The following DSCAM variants were observed in gnomAD, a reference collection of about 807,000 sequenced individuals.
DSCAM encodes the protein cell adhesion molecule DSCAM.
DSCAM carries 47 observed loss-of-function variants against 217.7 expected under a neutral mutation model. That is an observed-to-expected ratio of 0.22 (90% CI 0.17 to 0.28). The LOEUF is 0.28. Ranked by LOEUF, DSCAM falls within the 10% of genes least tolerant of loss-of-function variation. The pLI is 1.00. For missense variants in DSCAM, 2,080 were observed against 2,618.3 expected (o/e 0.79, Z 4.49); for synonymous variants, 1,056 against 1,015.3 (o/e 1.04, Z -0.76).
At chr21:40,598,483 G>GA (rs1316560992) in intron 3 of DSCAM, among the ~76,000 whole-genome samples, 4 of 139,868 alleles carry the variant, frequency 2.9e-5, no homozygotes, top group Non-Finnish European at 6.2e-5. Flanking sequence ...TAGTTTGTAA[G>GA]AAACTGCCAA....
At chr21:40,420,820 C>T (rs1165866510) in intron 3 of DSCAM, among the ~76,000 whole-genome samples, 1 of 152,116 alleles carries the variant, frequency 6.6e-6, no homozygotes, top group Admixed American at 6.5e-5. Context: ...CAGCAAACGA[C>T]CAGAAGCTAC....
intron 3 of DSCAM, among the ~76,000 whole-genome samples, chr21:40,621,627 T>C (rs917667304): frequency 6.6e-6 from 1 of 151,878 alleles, no homozygotes; most frequent in African/African-American, 2.4e-5. Context: ...CAAAGTCATA[T>C]AGTGCTTTCA....
At chr21:40,719,422 C>A (rs2090878002) in intron 1 of DSCAM, among the ~76,000 whole-genome samples, 1 of 152,108 alleles carries the variant, frequency 6.6e-6, no homozygotes, top group African/African-American at 2.4e-5. Context: ...CACATGTGTA[C>A]ACTGTGACTC....
chr21:40,606,906 T>C (rs1382981926), intron 3 of DSCAM, among the ~76,000 whole-genome samples: 1 of 152,194 alleles, frequency 6.6e-6, no homozygotes, highest in African/African-American at 2.4e-5. Context: ...CTTATGGTTT[T>C]ATAAAGGGCG....
intron 3 of DSCAM, among the ~76,000 whole-genome samples, chr21:40,474,323 A>AC (rs1196168902): frequency 6.6e-6 from 1 of 151,710 alleles, no homozygotes; most frequent in South Asian, 2.1e-4. Flanking sequence ...ATTAAAAAAA[A>AC]ACACAACCAA....
At chr21:40,126,513 A>G (rs2090095703) in intron 19 of DSCAM, among the ~76,000 whole-genome samples, 1 of 152,226 alleles carries the variant, frequency 6.6e-6, no homozygotes, top group Non-Finnish European at 1.5e-5. Flanking sequence ...GATGCTACAC[A>G]TTAAATGCAG....
chr21:40,565,627 T>C (rs541760713), intron 3 of DSCAM, among the ~76,000 whole-genome samples: 1 of 152,278 alleles, frequency 6.6e-6, no homozygotes, highest in South Asian at 2.1e-4. Context: ...ATGTTCACAC[T>C]CAGTGCCTCG....
At chr21:40,841,254 C>T (rs1448196844) in intron 1 of DSCAM, among the ~76,000 whole-genome samples, 1 of 152,184 alleles carries the variant, frequency 6.6e-6, no homozygotes, top group Non-Finnish European at 1.5e-5. Flanking sequence ...CTCCTGCCAC[C>T]TTGACAGACC....
chr21:40,090,216 T>A (rs905640573), intron 21 of DSCAM, among the ~76,000 whole-genome samples: 3 of 152,178 alleles, frequency 2.0e-5, no homozygotes, highest in Non-Finnish European at 2.9e-5. Flanking sequence ...CCCTCTCTAC[T>A]GGGATCTTCC....
At chr21:40,625,136 C>G (rs2089582468) in intron 3 of DSCAM, among the ~76,000 whole-genome samples, 1 of 151,942 alleles carries the variant, frequency 6.6e-6, no homozygotes, top group African/African-American at 2.4e-5. Flanking sequence ...TGAACAATTT[C>G]TGAAACAGGA....
chr21:40,777,449 C>T (rs1295280348), intron 1 of DSCAM, among the ~76,000 whole-genome samples: 1 of 152,136 alleles, frequency 6.6e-6, no homozygotes, highest in Non-Finnish European at 1.5e-5. Flanking sequence ...AAATCAACAG[C>T]CATCAGATAT....
At chr21:40,152,677 G>A (rs1396800873) in intron 16 of DSCAM, among the ~76,000 whole-genome samples, 6 of 152,254 alleles carry the variant, frequency 3.9e-5, no homozygotes, top group Non-Finnish European at 8.8e-5. Flanking sequence ...TGCACGGTGT[G>A]CAAGTGACTT....
intron 3 of DSCAM, among the ~76,000 whole-genome samples, chr21:40,481,505 C>T (rs549533836): frequency 1.9e-5 from 2 of 107,852 alleles, no homozygotes; most frequent in African/African-American, 7.6e-5. Flanking sequence ...GCCTGGGCAA[C>T]AGAGACAGAG....
intron 3 of DSCAM, among the ~76,000 whole-genome samples, chr21:40,470,889 G>T (rs2075882863): frequency 6.6e-6 from 1 of 152,128 alleles, no homozygotes; most frequent in Non-Finnish European, 1.5e-5. Context: ...GGCTAACAAA[G>T]AACTTGCAAT....
chr21:40,105,769 C>T (rs994021291), intron 20 of DSCAM, among the ~76,000 whole-genome samples: 13 of 152,176 alleles, frequency 8.5e-5, no homozygotes, highest in African/African-American at 2.9e-4. Context: ...TTCCCTTCCA[C>T]TTTCTTAAAG....
chr21:40,746,668 C>G (rs1229976654), intron 1 of DSCAM, among the ~76,000 whole-genome samples: 1 of 151,766 alleles, frequency 6.6e-6, no homozygotes, highest in African/African-American at 2.4e-5. Flanking sequence ...GTTATCCAGA[C>G]AGAAAACCAA....
chr21:40,456,824 A>G (rs555938705), intron 3 of DSCAM, among the ~76,000 whole-genome samples: 2 of 152,218 alleles, frequency 1.3e-5, no homozygotes, highest in Non-Finnish European at 2.9e-5. Flanking sequence ...AATTATTTTC[A>G]TATTTCTATA....
intron 30 of DSCAM, among the ~76,000 whole-genome samples, chr21:40,051,237 G>C (rs2088925968): frequency 1.3e-5 from 2 of 152,162 alleles, no homozygotes; most frequent in South Asian, 4.1e-4. Flanking sequence ...AGTCTTTAAA[G>C]AGATTTAGGA....
intron 3 of DSCAM, among the ~76,000 whole-genome samples, chr21:40,530,162 T>C (rs555742480): frequency 5.9e-5 from 9 of 152,292 alleles, no homozygotes; most frequent in East Asian, 1.9e-4. Context: ...TCCATGGTCA[T>C]TGTACGACAG....
Sources: allele counts gnomAD v4.1 joint callset (sites outside exome capture counted in the v4.1 genomes callset), GRCh38; gene constraint gnomAD v4.1.1; transcripts MANE v1.5; gene names NCBI Gene and HGNC (gene_info 2026-07-23, HGNC 2026-07-21).